GDF11: variants seen among roughly 807,000 people sequenced by gnomAD.
The protein encoded by GDF11 is growth/differentiation factor 11.
In GDF11, 12 loss-of-function variants were observed where a neutral mutation model predicts 34.4. That is an observed-to-expected ratio of 0.35 (90% CI 0.22 to 0.57). GDF11 has a LOEUF of 0.57. Among genes scored for constraint, GDF11 ranks in the 20% least tolerant of loss-of-function variants. The probability of loss-of-function intolerance (pLI) is 0.86; values close to 1 mark genes in which losing one functional copy is unlikely to be tolerated. For synonymous variants in GDF11, 212 were observed against 231.1 expected (o/e 0.92, Z 0.75); for missense variants, 346 against 548.2 (o/e 0.63, Z 3.68).
intron 1 of GDF11, among the ~76,000 whole-genome samples, chr12:55,747,054 G>A (rs905046396): frequency 7.9e-5 from 12 of 152,188 alleles, no homozygotes; most frequent in African/African-American, 2.9e-4. Flanking sequence ...CCACTCTCAT[G>A]GAGATTAGTA....
rs1351069276 is a variant in GDF11 at position 55,750,755 on chromosome 12, C to T, written c.*873C>T. ...ATAGTAAGAGGTTAGGGTTTAAGAGCTGGGGATGCGGGGGTGGGAGAGAGA... is the reference window on the plus strand; with the variant it reads ...ATAGTAAGAGGTTAGGGTTTAAGAGTTGGGGATGCGGGGGTGGGAGAGAGA... On this transcript the variant is annotated 3_prime_UTR_variant, in exon 3 of 3. Transcript: ENST00000257868. The T allele has an allele frequency of 6.6e-6, 1 of 152,186 alleles. No homozygotes were observed. Among genetic ancestry groups the T allele is most frequent in the Admixed American group, 6.5e-5 (1 of 15,278 alleles). The allele number at this position is 152,186 out of a possible 1,614,324, so 9.4% of individuals were successfully genotyped here.
Position 55,746,886 on chromosome 12 carries a change from A to G in GDF11, c.446-1700A>G, listed in dbSNP as rs532505643. Among the ~76,000 whole-genome samples the G allele has an allele frequency of 5.3e-5, 8 of 152,372 alleles. 1 individual carries two copies. The South Asian group carries it at 1.7e-3, about 32-fold the overall frequency. On this transcript the variant is annotated intron_variant, in intron 1 of 2. Transcript: ENST00000257868. The stretch of plus-strand genomic sequence containing the variant: ...ATTATAGCCAAAGAACAGAATTTAG[A>G]TGCCAGGAAGAACTTTCAGGCACTT...
chr12:55,749,048 G>C lies in GDF11; in HGVS notation c.843+65G>C, dbSNP rs941801314. On this transcript the variant is annotated intron_variant, in intron 2 of 2. Coordinates refer to ENST00000257868, the MANE Select transcript of GDF11 (RefSeq NM_005811.5). The surrounding 1 kb of genome is among the most constrained non-coding windows in gnomAD (Gnocchi z 5.6). The stretch of plus-strand genomic sequence containing the variant: ...GCCCTGAGGAGATAGGGTTACATTG[G>C]AAAAGGTAGACAAGGAATGTGAAGG... 17 of 1,442,172 alleles carry C rather than the reference G, an allele frequency of 1.2e-5. No individual in the cohort carries two copies. In the African/African-American group the frequency reaches 1.7e-4, roughly 14 times the overall value. 89.3% of individuals were successfully genotyped at this position (1,442,172 alleles called of 1,614,324 possible). A position where few individuals can be genotyped will look rare whatever the true frequency, so the allele number is the denominator to read the frequency against.
Position 55,743,718 on chromosome 12 carries a change from G to A in GDF11, c.402G>A (p.Glu134=), listed in dbSNP as rs764196755. 6.4e-7 allele frequency: 1 copy of A among 1,574,440 alleles called. No individual in the cohort carries two copies. The highest frequency in any genetic ancestry group is 2.3e-5 in the East Asian group (1 of 43,250). The change falls in exon 1 of 3, where the codon GAG becomes GAA. Residue 134 remains glutamate (E), a synonymous_variant. Transcript: ENST00000257868. ...LQPEDFLEED[E]YHATTETVIS... is the part of the protein sequence containing the mutation. Reference sequence around the variant, plus strand: ...CCGAGGACTTCCTGGAGGAGGACGAGTACCACGCCACCACCGAGACCGTCA... The same window carrying A: ...CCGAGGACTTCCTGGAGGAGGACGAATACCACGCCACCACCGAGACCGTCA...
In GDF11 at chr12:55,755,847, T is replaced by TA. The variant is rs2136172557; in HGVS notation, c.*5967dup. On this transcript the variant is annotated 3_prime_UTR_variant, in exon 3 of 3. Coordinates refer to ENST00000257868, the MANE Select transcript of GDF11 (RefSeq NM_005811.5). ...ACACTGTTCAAAGATCTAGGGGAAG[T>TA]AAGATGAGTGAGGAGAATAATTAGG... The TA allele has an allele frequency of 6.6e-6, 1 of 150,846 alleles. No homozygotes were observed. The highest frequency in any genetic ancestry group is 1.9e-4 in the East Asian group (1 of 5,142). 9.3% of individuals were successfully genotyped at this position (150,846 alleles called of 1,614,324 possible).
Position 55,754,560 on chromosome 12 carries a change from T to G in GDF11, c.*4678T>G, listed in dbSNP as rs1192823083. 2 of 152,214 alleles carry G rather than the reference T, an allele frequency of 1.3e-5. No homozygotes were observed. The highest frequency in any genetic ancestry group is 4.8e-5 in the African/African-American group (2 of 41,464). The allele number at this position is 152,214 out of a possible 1,614,324, so 9.4% of individuals were successfully genotyped here. A position where few individuals can be genotyped will look rare whatever the true frequency, so the allele number is the denominator to read the frequency against. On this transcript the variant is annotated 3_prime_UTR_variant, in exon 3 of 3. Transcript: ENST00000257868. The stretch of plus-strand genomic sequence containing the variant: ...CCTTTTCTTTTTCTCAAAATACGAC[T>G]GCATTAACTGGGTGTATGCACACAC...
chr12:55,751,781 C>CT lies in GDF11; in HGVS notation c.*1900dup, dbSNP rs1387567828. Reference sequence around the variant, plus strand: ...AAGAATCTTCAGCAAAACTGTCACTCTAAGTAGAGCCAGCAGTTACGGGTC... The same window carrying CT: ...AAGAATCTTCAGCAAAACTGTCACTCTTAAGTAGAGCCAGCAGTTACGGGTC... On this transcript the variant is annotated 3_prime_UTR_variant, in exon 3 of 3. Coordinates refer to ENST00000257868, the MANE Select transcript of GDF11 (RefSeq NM_005811.5). 2.6e-5 allele frequency: 4 copies of CT among 152,148 alleles called. No individual in the cohort carries two copies. Among genetic ancestry groups the CT allele is most frequent in the Non-Finnish European group, 5.9e-5 (4 of 68,036 alleles). 9.4% of individuals were successfully genotyped at this position (152,148 alleles called of 1,614,324 possible). A position where few individuals can be genotyped will look rare whatever the true frequency, so the allele number is the denominator to read the frequency against.
chr12:55,743,703 C>T lies in GDF11; in HGVS notation c.387C>T (p.Phe129=), dbSNP rs1878115205. Reference sequence around the variant, plus strand: ...GCGACGCGCTGCAGCCCGAGGACTTCCTGGAGGAGGACGAGTACCACGCCA... The same window carrying T: ...GCGACGCGCTGCAGCCCGAGGACTTTCTGGAGGAGGACGAGTACCACGCCA... The part of the protein sequence containing the change: ...FQGDALQPED[F]LEEDEYHATT... Residue 129 remains phenylalanine, a synonymous_variant, in exon 1 of 3, where the codon TTC becomes TTT. Coordinates refer to ENST00000257868, the MANE Select transcript of GDF11 (RefSeq NM_005811.5). 1.2e-6 allele frequency: 2 copies of T among 1,600,578 alleles called. No homozygotes were observed. Among genetic ancestry groups the T allele is most frequent in the African/African-American group, 2.7e-5 (2 of 74,968 alleles).
Position 55,748,589 on chromosome 12 carries a change from A to C in GDF11, c.449A>C (p.Asp150Ala). 6.2e-7 allele frequency: 1 copy of C among 1,605,424 alleles called. No homozygotes were observed. The highest frequency in any genetic ancestry group is 8.5e-7 in the Non-Finnish European group (1 of 1,174,026). The change falls in exon 2 of 3, where the codon GAC (aspartate) becomes GCC (alanine). Residue 150 changes from aspartate to alanine, a missense_variant. Around this residue, in one of 3 missense-constraint regions of GDF11, gnomAD observed 141 missense variants for 213.8 expected, o/e 0.66. Coordinates refer to ENST00000257868, the MANE Select transcript of GDF11 (RefSeq NM_005811.5). The surrounding 1 kb of genome is among the most constrained non-coding windows in gnomAD (Gnocchi z 5.6). Reference sequence around the variant, plus strand: ...CTGTGCCCTTCTCTCTTATCAGCGGACCCAGCAGTACAGACAGATGGCAGC... The same window carrying C: ...CTGTGCCCTTCTCTCTTATCAGCGGCCCCAGCAGTACAGACAGATGGCAGC... ...ETVISMAQET[D>A]PAVQTDGSPL...
At chr12:55,745,900 C>G (rs1878174060) in intron 1 of GDF11, among the ~76,000 whole-genome samples, 1 of 151,940 alleles carries the variant, frequency 6.6e-6, no homozygotes, top group African/African-American at 2.4e-5. Context: ...TCTCTCTCCT[C>G]CCCACACCAA....
rs1366629544 is a variant in GDF11, at chr12:55,756,522, A to G, written c.*6640A>G. 6.6e-6 allele frequency: 1 copy of G among 152,242 alleles called. No homozygotes were observed. Among genetic ancestry groups the G allele is most frequent in the African/African-American group, 2.4e-5 (1 of 41,468 alleles). 9.4% of individuals were successfully genotyped at this position (152,242 alleles called of 1,614,324 possible). A position where few individuals can be genotyped will look rare whatever the true frequency, so the allele number is the denominator to read the frequency against. On this transcript the variant is annotated 3_prime_UTR_variant, in exon 3 of 3. Transcript: ENST00000257868. The stretch of plus-strand genomic sequence containing the variant: ...CACCACAGCAACATGGGACCTGATC[A>G]TAGTACCAAAGTCTTCAGGTAAGGT...
At position 55,756,335 on chromosome 12, in the gene GDF11, A is replaced by G. The variant is rs962187087; in HGVS notation, c.*6453A>G. On this transcript the variant is annotated 3_prime_UTR_variant, in exon 3 of 3. Coordinates refer to ENST00000257868, the MANE Select transcript of GDF11 (RefSeq NM_005811.5). The stretch of plus-strand genomic sequence containing the variant: ...TTTTGGATCTGCTCTCCAAGGCACA[A>G]TTTTTCTAAATTATCTAAACTTTAG... 1 of 152,166 alleles carries G rather than the reference A, an allele frequency of 6.6e-6. No homozygotes were observed. 9.4% of individuals were successfully genotyped at this position (152,166 alleles called of 1,614,324 possible).
chr12:55,751,041 A>C lies in GDF11; in HGVS notation c.*1159A>C, dbSNP rs1280276932. On this transcript the variant is annotated 3_prime_UTR_variant, in exon 3 of 3. Coordinates refer to ENST00000257868, the MANE Select transcript of GDF11 (RefSeq NM_005811.5). The stretch of plus-strand genomic sequence containing the variant: ...CAAGAAAGGAGCAGTAAGGAGGCTG[A>C]AGGTTACAGGGCATTTGAATCCAAA... The C allele has an allele frequency of 6.6e-6, 1 of 152,264 alleles. No individual in the cohort carries two copies. The highest frequency in any genetic ancestry group is 1.5e-5 in the Non-Finnish European group (1 of 68,094). 9.4% of individuals were successfully genotyped at this position (152,264 alleles called of 1,614,324 possible).
chr12:55,748,545 C>T lies in GDF11; in HGVS notation c.446-41C>T. 1 of 1,554,390 alleles carries T rather than the reference C, an allele frequency of 6.4e-7. No homozygotes were observed. Among genetic ancestry groups the T allele is most frequent in the African/African-American group, 1.4e-5 (1 of 73,676 alleles). On this transcript the variant is annotated intron_variant, in intron 1 of 2. Coordinates refer to ENST00000257868, the MANE Select transcript of GDF11 (RefSeq NM_005811.5). The surrounding 1 kb of genome is among the most constrained non-coding windows in gnomAD (Gnocchi z 5.6). Reference sequence around the variant, plus strand: ...CACCCAGGACTACTGATCCCCTACACAAACACCCTTTGCTGATGCTGTGCC... The same window carrying T: ...CACCCAGGACTACTGATCCCCTACATAAACACCCTTTGCTGATGCTGTGCC...
chr12:55,756,625 T>G lies in GDF11; in HGVS notation c.*6743T>G, dbSNP rs1411102969. 6.6e-6 allele frequency: 1 copy of G among 152,206 alleles called. No homozygotes were observed. The highest frequency in any genetic ancestry group is 1.5e-5 in the Non-Finnish European group (1 of 68,034). 9.4% of individuals were successfully genotyped at this position (152,206 alleles called of 1,614,324 possible). On this transcript the variant is annotated 3_prime_UTR_variant, in exon 3 of 3. Transcript: ENST00000257868. ...ATATAAAGATTAAGAGGAGAAATTC[T>G]GCAATAACATATCCAAAAAGATTAA... is the stretch of plus-strand genomic sequence containing the variant.
rs1409710926 is a variant in GDF11, at chr12:55,743,518, C to A, written c.202C>A (p.Arg68=). ...EPDGCPVCVW[R]QHSRELRLES... is the part of the protein sequence containing the mutation. ...GGACGGCTGCCCCGTGTGCGTTTGG[C>A]GGCAGCACAGCCGCGAGCTGCGCCT... The change falls in exon 1 of 3, where the codon CGG becomes AGG. Residue 68 remains arginine, a synonymous_variant. Coordinates refer to ENST00000257868, the MANE Select transcript of GDF11 (RefSeq NM_005811.5). 6.9e-6 allele frequency: 11 copies of A among 1,594,282 alleles called. No homozygotes were observed. The highest frequency in any genetic ancestry group is 8.5e-6 in the Non-Finnish European group (10 of 1,176,726).
intron 1 of GDF11, among the ~76,000 whole-genome samples, chr12:55,747,092 T>C (rs1038022944): frequency 1.3e-5 from 2 of 152,174 alleles, no homozygotes; most frequent in African/African-American, 2.4e-5. Context: ...AGACAATTCT[T>C]ATGCTGAAAT....
chr12:55,745,307 C>T (rs965243162), intron 1 of GDF11, among the ~76,000 whole-genome samples: 6 of 151,974 alleles, frequency 3.9e-5, no homozygotes, highest in Admixed American at 1.3e-4. Flanking sequence ...CTCCTTGCCC[C>T]TAAATATCCT....
At chr12:55,746,335 C>A (rs2136166273) in intron 1 of GDF11, among the ~76,000 whole-genome samples, 1 of 152,340 alleles carries the variant, frequency 6.6e-6, no homozygotes, top group East Asian at 1.9e-4. Context: ...CTATCACTGC[C>A]TCTGCATCAG....
Sources: allele counts gnomAD v4.1 joint callset (sites outside exome capture counted in the v4.1 genomes callset), GRCh38; gene constraint gnomAD v4.1.1; regional missense constraint gnomAD v4.1.1; non-coding constraint Gnocchi (gnomAD v3.1); transcripts MANE v1.5; gene names NCBI Gene and HGNC (gene_info 2026-07-23, HGNC 2026-07-21).